The following PCDHA1 variants were observed in gnomAD, a reference collection of about 807,000 sequenced individuals.
PCDHA1 encodes the protein protocadherin alpha 1.
Under a neutral mutation model 61.3 loss-of-function variants are expected in PCDHA1, and 42 were observed. That is an observed-to-expected ratio of 0.69 (90% CI 0.54 to 0.89). PCDHA1 has a LOEUF of 0.89. PCDHA1 is among the 40% of genes least tolerant of loss of function. The pLI is 0.00. For missense variants in PCDHA1, 1,256 were observed against 1,235.3 expected, an observed-to-expected ratio of 1.02 and a Z score of -0.25; for synonymous variants, 610 against 553.8, an observed-to-expected ratio of 1.10 and a Z score of -1.43.
rs142471747 is a variant in PCDHA1 at position 140,940,002 on chromosome 5, C to T, written c.2395-38947C>T. On this transcript the variant is annotated intron_variant, in intron 1 of 3. Transcript: ENST00000504120. ...TGAATTGTTTCTCCTTGGATTTTGT[C>T]AATTTTTTGTGTCATATGTTTTAAG... Among the ~76,000 whole-genome samples the T allele has an allele frequency of 5.4e-3, 828 of 152,138 alleles. 3 individuals carry two copies. The highest frequency in any genetic ancestry group is 0.019 in the African/African-American group (797 of 41,516).
At chr5:140,867,108 C>A (rs782819699) in intron 1 of PCDHA1, 4 of 152,072 alleles carry the variant, frequency 2.6e-5, no homozygotes, top group Admixed American at 2.6e-4. Flanking sequence ...CCTAAATTAA[C>A]ATATTGTTTT....
chr5:140,824,248 A>G (rs2150133568), intron 1 of PCDHA1: 39 of 1,434,746 alleles, frequency 2.7e-5, no homozygotes, highest in Non-Finnish European at 3.8e-5. Flanking sequence ...TGTGGTACAC[A>G]ATTATTGCAC....
intron 1 of PCDHA1, chr5:140,796,996 G>A: frequency 3.1e-6 from 5 of 1,613,744 alleles, no homozygotes; most frequent in Admixed American, 1.7e-5. Flanking sequence ...GGCACCCAAG[G>A]CCTCGTCGCG....
intron 1 of PCDHA1, among the ~76,000 whole-genome samples, chr5:140,798,728 C>T (rs1762355007): frequency 6.6e-6 from 1 of 152,148 alleles, no homozygotes; most frequent in Non-Finnish European, 1.5e-5. Flanking sequence ...ACTACATTTT[C>T]ACTTGAAACA....
chr5:140,866,633 G>A (rs900221819), intron 1 of PCDHA1: 71 of 152,170 alleles, frequency 4.7e-4, no homozygotes, highest in African/African-American at 1.6e-3. Flanking sequence ...TTCTGACAAC[G>A]GTGTCAAAAT....
rs568088223 is a variant in PCDHA1, at chr5:140,879,577, G to T, written c.2394+90893G>T. ...ATCCATGAAAGAATAAAATTGCCAA[G>T]ACAGACATTGAAAAGTGAAAAACAA... is the stretch of plus-strand genomic sequence containing the variant. On this transcript the variant is annotated intron_variant, in intron 1 of 3. Transcript: ENST00000504120. Among the ~76,000 whole-genome samples, 5 of 152,302 alleles carry T rather than the reference G, an allele frequency of 3.3e-5. No homozygotes were observed. In the South Asian group the frequency reaches 1.0e-3, roughly 32 times the overall value.
Position 140,787,577 on chromosome 5 carries a change from C to T in PCDHA1, c.1287C>T (p.Asp429=), listed in dbSNP as rs782653418. 2.5e-6 allele frequency: 4 copies of T among 1,613,960 alleles called. No individual in the cohort carries two copies. The highest frequency in any genetic ancestry group is 1.7e-4 in the Middle Eastern group (1 of 6,042). Residue 429 remains aspartate (D), a synonymous_variant, in exon 1 of 4, where the codon GAC becomes GAT. Transcript: ENST00000504120. The part of the protein sequence containing the change: ...SVYELVVTAR[D]GGSPSLWATA... ...ATGAGCTGGTGGTGACCGCGCGGGA[C>T]GGGGGCTCGCCTTCGCTGTGGGCCA...
intron 1 of PCDHA1, chr5:140,847,826 A>T (rs914616937): frequency 6.7e-6 from 1 of 149,784 alleles, no homozygotes; most frequent in Non-Finnish European, 1.5e-5. Flanking sequence ...TACTCAAGAA[A>T]ACTACCTCAG....
chr5:140,983,228 A>G (rs1012242202), intron 3 of PCDHA1, among the ~76,000 whole-genome samples: 1 of 152,240 alleles, frequency 6.6e-6, no homozygotes, highest in South Asian at 2.1e-4. Flanking sequence ...CCAAACTTTC[A>G]GGAAAGAGAA....
At position 140,787,897 on chromosome 5, in the gene PCDHA1, G is replaced by A; in HGVS notation, c.1607G>A (p.Ser536Asn). Residue 536 changes from serine (S) to asparagine (N), a missense_variant, in exon 1 of 4, where the codon AGC becomes AAC. Ser to Asn is a conservative substitution (Grantham distance 46). Coordinates refer to ENST00000504120, the MANE Select transcript of PCDHA1 (RefSeq NM_018900.4). ...CTGGAGCTGCTGCAGTTCCAGGTGAGCGCGCGGGATGCGGGCGTGCCGCCT... is the reference window on the plus strand; with the variant it reads ...CTGGAGCTGCTGCAGTTCCAGGTGAACGCGCGGGATGCGGGCGTGCCGCCT... ...EELELLQFQV[S>N]ARDAGVPPLG... The A allele has an allele frequency of 1.2e-6, 2 of 1,613,474 alleles. No homozygotes were observed. The highest frequency in any genetic ancestry group is 1.7e-6 in the Non-Finnish European group (2 of 1,179,854).
In PCDHA1 at chr5:141,010,461, G is replaced by A; in HGVS notation, c.*524G>A. The A allele has an allele frequency of 1.2e-6, 1 of 823,014 alleles. No homozygotes were observed. The highest frequency in any genetic ancestry group is 1.8e-6 in the Non-Finnish European group (1 of 553,022). The allele number at this position is 823,014 out of a possible 1,614,324, so 51.0% of individuals were successfully genotyped here. A position where few individuals can be genotyped will look rare whatever the true frequency, so the allele number is the denominator to read the frequency against. On this transcript the variant is annotated 3_prime_UTR_variant, in exon 4 of 4. Transcript: ENST00000504120. ...GACAAATAAACAGCGGAAGTTATCA[G>A]TATGGAGGGGAAGTGTAAACTTAAA...
chr5:140,898,349 C>A (rs1310511547), intron 1 of PCDHA1, among the ~76,000 whole-genome samples: 1 of 152,168 alleles, frequency 6.6e-6, no homozygotes, highest in African/African-American at 2.4e-5. Flanking sequence ...TTTAATCCAT[C>A]TTGAATTAAT....
At chr5:140,928,115 T>A (rs2084949063) in intron 1 of PCDHA1, 1 of 1,614,164 alleles carries the variant, frequency 6.2e-7, no homozygotes, top group East Asian at 2.2e-5. Flanking sequence ...CGGGAGCAGA[T>A]CAGTGAATAC....
chr5:140,926,705 G>A (rs1269250825), intron 1 of PCDHA1: 2 of 849,690 alleles, frequency 2.4e-6, no homozygotes, highest in Non-Finnish European at 3.3e-6. Context: ...GCTCCCAGCT[G>A]GCCAGCCCCG....
At chr5:140,863,413 T>C (rs1581689381) in intron 1 of PCDHA1, 1 of 735,446 alleles carries the variant, frequency 1.4e-6, no homozygotes, top group Non-Finnish European at 2.3e-6. Flanking sequence ...CACGCTGGTG[T>C]ACCGCAGCGT....
intron 1 of PCDHA1, among the ~76,000 whole-genome samples, chr5:140,938,848 G>T (rs1554212426): frequency 6.6e-6 from 1 of 151,980 alleles, no homozygotes; most frequent in Non-Finnish European, 1.5e-5. Flanking sequence ...ACCTGCCCAT[G>T]TACCCCTGAA....
At chr5:140,982,713 A>G (rs2096998735) in intron 3 of PCDHA1, 150 bp downstream of exon 3, 2 of 1,373,774 alleles carry the variant, frequency 1.5e-6, no homozygotes, top group African/African-American at 1.5e-5. Flanking sequence ...CCTTACATAT[A>G]TGATTATTTT....
intron 1 of PCDHA1, chr5:140,795,267 A>G (rs782578399): frequency 1.1e-5 from 17 of 1,614,084 alleles, no homozygotes; most frequent in African/African-American, 9.3e-5. Context: ...GGAGCGCGGA[A>G]TGTAGCATCC....
intron 1 of PCDHA1, among the ~76,000 whole-genome samples, chr5:140,946,691 G>C (rs782114019): frequency 6.8e-6 from 1 of 147,578 alleles, no homozygotes; most frequent in Non-Finnish European, 1.5e-5. Flanking sequence ...TGACAATATG[G>C]ATGAATCTGG....
Sources: allele counts gnomAD v4.1 joint callset (sites outside exome capture counted in the v4.1 genomes callset), GRCh38; gene constraint gnomAD v4.1.1; transcripts MANE v1.5; gene names NCBI Gene and HGNC (gene_info 2026-07-23, HGNC 2026-07-21).